Variants in TBC1D32 observed in about 807,000 individuals in gnomAD.
The protein encoded by TBC1D32 is protein broad-minded.
TBC1D32 carries 151 observed loss-of-function variants against 170.3 expected under a neutral mutation model. That is an observed-to-expected ratio of 0.89 (90% CI 0.78 to 1.01). TBC1D32 has a LOEUF of 1.01. Among genes scored for constraint, TBC1D32 ranks in the 50% least tolerant of loss-of-function variants. TBC1D32 has a pLI of 0.00. For missense variants in TBC1D32, 1,464 were observed against 1,457.1 expected (o/e 1.00, Z -0.08); for synonymous variants, 498 against 488.0 (o/e 1.02, Z -0.27).
At chr6:121,256,457 T>C (rs1799029090) in intron 15 of TBC1D32, among the ~76,000 whole-genome samples, 172 bp from the exon 16 acceptor site, 1 of 152,094 alleles carries the variant, frequency 6.6e-6, no homozygotes, top group African/African-American at 2.4e-5. Context: ...GAGAACAGTT[T>C]CCGTGGGATG....
At chr6:121,129,716 G>GT (rs1781225929) in intron 25 of TBC1D32, among the ~76,000 whole-genome samples, 1 of 152,152 alleles carries the variant, frequency 6.6e-6, no homozygotes, top group Non-Finnish European at 1.5e-5. Context: ...GACAGACTTA[G>GT]GAATAGCATC....
chr6:121,229,201 G>T (rs1795428365), intron 20 of TBC1D32, among the ~76,000 whole-genome samples: 1 of 151,986 alleles, frequency 6.6e-6, no homozygotes, highest in African/African-American at 2.4e-5. Flanking sequence ...ATAACACCCA[G>T]TATCCTGACC....
chr6:121,226,060 C>A (rs1795015797), intron 20 of TBC1D32, among the ~76,000 whole-genome samples: 1 of 152,028 alleles, frequency 6.6e-6, no homozygotes, highest in Non-Finnish European at 1.5e-5. Context: ...AAAATTAATT[C>A]CCCAAGTCAA....
intron 25 of TBC1D32, among the ~76,000 whole-genome samples, chr6:121,128,188 T>C (rs988643625): frequency 1.3e-5 from 2 of 152,224 alleles, no homozygotes; most frequent in Non-Finnish European, 2.9e-5. Context: ...AAGAAGGTTC[T>C]AGATTTCTAC....
intron 30 of TBC1D32, 74 bp from the exon 31 acceptor site, chr6:121,091,115 A>G (rs1776757235): frequency 8.3e-7 from 1 of 1,206,234 alleles, no homozygotes; most frequent in South Asian, 1.5e-5. Context: ...AACATTAACC[A>G]ATAACTCATA....
chr6:121,101,925 G>GCATTCTTATA (rs1778129633), intron 30 of TBC1D32, among the ~76,000 whole-genome samples: 3 of 152,052 alleles, frequency 2.0e-5, no homozygotes, highest in African/African-American at 4.8e-5. Context: ...AAAATCACAA[G>GCATTCTTATA]CATTCTTATA....
intron 17 of TBC1D32, among the ~76,000 whole-genome samples, chr6:121,250,490 T>A (rs1202788990): frequency 2.6e-5 from 4 of 152,132 alleles, no homozygotes. Flanking sequence ...AAAAATCACA[T>A]GATTATCTCA....
intron 17 of TBC1D32, among the ~76,000 whole-genome samples, chr6:121,248,978 C>G (rs1028806305): frequency 6.6e-6 from 1 of 151,810 alleles, no homozygotes; most frequent in Non-Finnish European, 1.5e-5. Context: ...AATACCAAAA[C>G]ACAAAAGGAC....
In TBC1D32 at chr6:121,222,190, A is replaced by AT. The variant is rs1583280890; in HGVS notation, c.2481+1045_2481+1046insA. ...CAAAGTATTTTTAATTAAGCAATAAACTTTTTTAGACGTAATTCTATTGCA... is the reference window on the plus strand; with the variant it reads ...CAAAGTATTTTTAATTAAGCAATAAATCTTTTTTAGACGTAATTCTATTGCA... On this transcript the variant is annotated intron_variant, in intron 21 of 31. Coordinates refer to ENST00000398212, the MANE Select transcript of TBC1D32 (RefSeq NM_152730.6). Among the ~76,000 whole-genome samples the AT allele has an allele frequency of 1.9e-4, 6 of 31,872 alleles. No individual in the cohort carries two copies. In the East Asian group the frequency reaches 0.028, roughly 150 times the overall value. 20.9% of individuals were successfully genotyped at this position (31,872 alleles called of 152,430 possible). A position where few individuals can be genotyped will look rare whatever the true frequency, so the allele number is the denominator to read the frequency against.
chr6:121,326,521 A>G (rs1173585638), intron 1 of TBC1D32, among the ~76,000 whole-genome samples: 1 of 152,128 alleles, frequency 6.6e-6, no homozygotes, highest in East Asian at 1.9e-4. Context: ...AAAAATCTCC[A>G]CCATTTAGCA....
chr6:121,090,849 T>TTA lies in TBC1D32; in HGVS notation c.3654+2_3654+3dup. 6.2e-7 allele frequency: 1 copy of TTA among 1,607,838 alleles called. No homozygotes were observed. Among genetic ancestry groups the TTA allele is most frequent in the Non-Finnish European group, 8.5e-7 (1 of 1,178,408 alleles). On this transcript the variant is annotated splice_donor_region_variant and intron_variant, in intron 31 of 31. Coordinates refer to ENST00000398212, the MANE Select transcript of TBC1D32 (RefSeq NM_152730.6). The stretch of plus-strand genomic sequence containing the variant: ...CATTTTCCTCTCCATATAAACATAC[T>TTA]TACTTTTAGGAAAACTTGCAGATCT...
In TBC1D32 at chr6:121,327,203, A is replaced by G. The variant is rs542766316; in HGVS notation, c.156-5409T>C. Among the ~76,000 whole-genome samples, 8 of 152,294 alleles carry G rather than the reference A, an allele frequency of 5.3e-5. No individual in the cohort carries two copies. The South Asian group carries it at 1.7e-3, about 32-fold the overall frequency. On this transcript the variant is annotated intron_variant, in intron 1 of 31. Coordinates refer to ENST00000398212, the MANE Select transcript of TBC1D32 (RefSeq NM_152730.6). ...GTTCACTATTTAAGTGACATGATCA[A>G]TAGAAGCCCAAACCTCAGCATCACG...
At chr6:121,158,688 T>C (rs901634457) in intron 24 of TBC1D32, among the ~76,000 whole-genome samples, 1 of 152,164 alleles carries the variant, frequency 6.6e-6, no homozygotes, top group African/African-American at 2.4e-5. Context: ...TACAACCCTA[T>C]ACAGAAACTT....
chr6:121,130,664 T>G (rs966965055), intron 25 of TBC1D32, among the ~76,000 whole-genome samples: 1 of 152,166 alleles, frequency 6.6e-6, no homozygotes, highest in African/African-American at 2.4e-5. Flanking sequence ...CTGTTAGAGA[T>G]AAACTCAGAA....
Position 121,223,430 on chromosome 6 carries a change from C to T in TBC1D32, c.2365-78G>A, listed in dbSNP as rs942301472. ...CATGGAGAGTCATTAATGTAGTTTC[C>T]TATCTGTATGACTTTGAGGGCTCAT... On this transcript the variant is annotated intron_variant, in intron 20 of 31. Transcript: ENST00000398212. 6.8e-5 allele frequency: 65 copies of T among 957,332 alleles called. No individual in the cohort carries two copies. The Admixed American group carries it at 1.5e-3, about 22-fold the overall frequency. 59.3% of individuals were successfully genotyped at this position (957,332 alleles called of 1,614,324 possible). A position where few individuals can be genotyped will look rare whatever the true frequency, so the allele number is the denominator to read the frequency against.
At chr6:121,246,055 C>G (rs1327591496) in intron 17 of TBC1D32, among the ~76,000 whole-genome samples, 1 of 152,092 alleles carries the variant, frequency 6.6e-6, no homozygotes, top group Non-Finnish European at 1.5e-5. Context: ...TGGTGCATAC[C>G]CAGGGGTGCC....
intron 5 of TBC1D32, among the ~76,000 whole-genome samples, chr6:121,305,224 A>G (rs1014691976): frequency 1.3e-5 from 2 of 152,064 alleles, no homozygotes; most frequent in African/African-American, 4.8e-5. Context: ...AATTGCTTAC[A>G]TGGGTAGCTT....
chr6:121,192,715 C>G (rs922863499), intron 22 of TBC1D32, among the ~76,000 whole-genome samples: 1 of 152,076 alleles, frequency 6.6e-6, no homozygotes, highest in African/African-American at 2.4e-5. Flanking sequence ...GTGGTAGGAC[C>G]ATGATGAAGC....
At chr6:121,215,487 C>T (rs1019376397) in intron 21 of TBC1D32, among the ~76,000 whole-genome samples, 1 of 152,152 alleles carries the variant, frequency 6.6e-6, no homozygotes, top group South Asian at 2.1e-4. Context: ...AAACCAATTG[C>T]GACAAGAGCA....
Sources: gnomAD v4.1 joint callset for allele counts (sites outside exome capture counted in the v4.1 genomes callset) on GRCh38, gnomAD v4.1.1 for gene constraint, MANE v1.5 for transcripts, NCBI Gene and HGNC (gene_info 2026-07-23, HGNC 2026-07-21) for gene names.